The following TLE6 variants were observed in gnomAD, a reference collection of about 807,000 sequenced individuals.
TLE6 encodes the protein TLE family member 6, subcortical maternal complex member, also known as transducin-like enhancer protein 6.
TLE6 carries 72 observed loss-of-function variants against 77.1 expected under a neutral mutation model. The observed-to-expected ratio is 0.93, with a 90% CI of 0.77 to 1.14. The LOEUF (loss-of-function observed/expected upper bound fraction) is 1.14. Ranked by LOEUF, TLE6 falls within the 50% of genes most tolerant of loss-of-function variation. The pLI is 0.00. For synonymous variants in TLE6, 366 were observed against 287.3 expected, an observed-to-expected ratio of 1.27 and a Z score of -2.77; for missense variants, 843 against 747.6, an observed-to-expected ratio of 1.13 and a Z score of -1.49.
At position 2,995,025 on chromosome 19, in the gene TLE6, C is replaced by T; in HGVS notation, c.*21C>T. 1 of 1,485,690 alleles carries T rather than the reference C, an allele frequency of 6.7e-7. No homozygotes were observed. The highest frequency in any genetic ancestry group is 9.2e-7 in the Non-Finnish European group (1 of 1,087,448). The allele number at this position is 1,485,690 out of a possible 1,614,324, so 92.0% of individuals were successfully genotyped here. On this transcript the variant is annotated 3_prime_UTR_variant, in exon 17 of 17. Transcript: ENST00000246112. ...ACTGAGGGGCCTCGCTGCTGTCATC[C>T]CACTCCGGCTCCTCTTTTCATCCCC...
At chr19:2,993,289 T>C in intron 14 of TLE6, 143 bp from the exon 15 acceptor site, 2 of 723,880 alleles carry the variant, frequency 2.8e-6, no homozygotes, top group South Asian at 2.3e-5. Flanking sequence ...GAGGCACAGA[T>C]ACGAAGTTGC....
intron 16 of TLE6, among the ~76,000 whole-genome samples, chr19:2,994,505 G>C (rs980327241): frequency 1.3e-5 from 2 of 152,192 alleles, no homozygotes; most frequent in Non-Finnish European, 1.5e-5. Context: ...AGCTACTTGG[G>C]AGGCTGAGGC....
intron 2 of TLE6, among the ~76,000 whole-genome samples, chr19:2,979,843 A>C (rs918923951): frequency 2.6e-5 from 4 of 151,410 alleles, no homozygotes; most frequent in African/African-American, 9.7e-5. Flanking sequence ...GGGCGCATGT[A>C]ATCCCAGCTA....
In TLE6 at chr19:2,993,484, C is replaced by T. The variant is rs1295934202; in HGVS notation, c.1439C>T (p.Ala480Val). ...GAGGACTGGGTGCTGCTGGGCATGG[C>T]CAATGGCCAGCAGTGGCTGCAAAGC... ...PQEDWVLLGM[A>V]NGQQWLQSTS... Residue 480 changes from alanine to valine, a missense_variant, in exon 15 of 17, where the codon GCC (alanine) becomes GTC (valine). By Grantham distance (64) the Ala-to-Val change is moderately conservative (BLOSUM62 0). Transcript: ENST00000246112. The T allele has an allele frequency of 1.9e-6, 3 of 1,601,902 alleles. No individual in the cohort carries two copies. The highest frequency in any genetic ancestry group is 2.2e-5 in the South Asian group (2 of 90,690).
rs773441965 is a variant in TLE6 at position 2,990,612 on chromosome 19, GA to G, written c.1244+836del. On this transcript the variant is annotated intron_variant, in intron 13 of 16. Coordinates refer to ENST00000246112, the MANE Select transcript of TLE6 (RefSeq NM_001143986.2). ...CAGAGCAAGACTCTGTCTCAAAAAA[GA>G]AAAAAAAATACACACATATATAAAT... 3.7e-5 allele frequency among the ~76,000 whole-genome samples: 5 copies of G among 136,418 alleles called. No homozygotes were observed. The East Asian group carries it at 6.4e-4, about 17-fold the overall frequency. The allele number at this position is 136,418 out of a possible 152,430, so 89.5% of individuals were successfully genotyped here. A position where few individuals can be genotyped will look rare whatever the true frequency, so the allele number is the denominator to read the frequency against.
chr19:2,980,015 G>T, intron 2 of TLE6, 85 bp from the exon 3 acceptor site: 2 of 969,158 alleles, frequency 2.1e-6, no homozygotes, highest in Non-Finnish European at 1.6e-6. Flanking sequence ...CCAACCTAAT[G>T]CCTATGCCAT....
chr19:2,994,885 C>T lies in TLE6; in HGVS notation c.1615-15C>T. On this transcript the variant is annotated splice_polypyrimidine_tract_variant and intron_variant, in intron 16 of 16. Coordinates refer to ENST00000246112, the MANE Select transcript of TLE6 (RefSeq NM_001143986.2). ...GAGCCCTACCCCAGCTCACTGCCCA[C>T]TGCCCCCCCTCCAGGTGCCTGAGAT... 1 of 1,548,062 alleles carries T rather than the reference C, an allele frequency of 6.5e-7. No individual in the cohort carries two copies. The highest frequency in any genetic ancestry group is 8.8e-7 in the Non-Finnish European group (1 of 1,134,004).
At chr19:2,986,416 C>CA (rs561952548) in intron 5 of TLE6, among the ~76,000 whole-genome samples, 2 of 146,540 alleles carry the variant, frequency 1.4e-5, no homozygotes, top group East Asian at 2.1e-4. Context: ...ATCTTATCTG[C>CA]AAAAAAGTAG....
At chr19:2,984,988 C>G (rs955428428) in intron 5 of TLE6, among the ~76,000 whole-genome samples, 1 of 151,884 alleles carries the variant, frequency 6.6e-6, no homozygotes, top group Non-Finnish European at 1.5e-5. Flanking sequence ...AGGTGGCTCA[C>G]GCCTGTAATC....
chr19:2,991,358 CAAA>C (rs1336193754), intron 13 of TLE6, among the ~76,000 whole-genome samples: 10 of 58,762 alleles, frequency 1.7e-4, no homozygotes, highest in Non-Finnish European at 2.8e-4. Context: ...GACTCCATTT[CAAA>C]AAAAAAAAAA....
At chr19:2,987,567 G>A in intron 8 of TLE6, 157 bp from the exon 9 acceptor site, 1 of 1,098,742 alleles carries the variant, frequency 9.1e-7, no homozygotes, top group Non-Finnish European at 1.3e-6. Flanking sequence ...AGGGCTTCCA[G>A]GACCCTATAC....
rs766290461 is a variant in TLE6, at chr19:2,994,112, G to T, written c.1614+17G>T. ...GTGTTCGAGGTACTGCGGTGGGCTG[G>T]GGGCAGGACCCGGGGGTGGCCCCAA... On this transcript the variant is annotated intron_variant, in intron 16 of 16. Coordinates refer to ENST00000246112, the MANE Select transcript of TLE6 (RefSeq NM_001143986.2). The T allele has an allele frequency of 1.3e-6, 2 of 1,591,408 alleles. No homozygotes were observed. Among genetic ancestry groups the T allele is most frequent in the Non-Finnish European group, 1.7e-6 (2 of 1,170,240 alleles).
At chr19:2,988,021 G>GGT in intron 10 of TLE6, 47 bp downstream of exon 10, 1 of 1,586,162 alleles carries the variant, frequency 6.3e-7, no homozygotes, top group Non-Finnish European at 8.6e-7. Context: ...GGCTGCCCAG[G>GGT]GTGGGGTAGA....
intron 16 of TLE6, among the ~76,000 whole-genome samples, chr19:2,994,304 C>T (rs2089158619): frequency 6.6e-6 from 1 of 151,680 alleles, no homozygotes; most frequent in South Asian, 2.1e-4. Flanking sequence ...AGTGAGACCC[C>T]ATCTCTACAA....
intron 13 of TLE6, among the ~76,000 whole-genome samples, chr19:2,990,223 C>T (rs12185516): frequency 0.34 from 50,989 of 151,746 alleles, 10,815 homozygotes; most frequent in African/African-American, 0.6. Flanking sequence ...ATGAATAAAA[C>T]GAATTTATTC....
rs755207966 is a variant in TLE6, at chr19:2,994,008, A to G, written c.1538-11A>G. On this transcript the variant is annotated splice_polypyrimidine_tract_variant and intron_variant, in intron 15 of 16. Coordinates refer to ENST00000246112, the MANE Select transcript of TLE6 (RefSeq NM_001143986.2). ...TGGTTCTAAGTCTCGCTGATGCTCC[A>G]TTTCTCCCAGGCCAGTGGTGGGCAA... 2 of 1,599,902 alleles carry G rather than the reference A, an allele frequency of 1.3e-6. No homozygotes were observed. Among genetic ancestry groups the G allele is most frequent in the Non-Finnish European group, 1.7e-6 (2 of 1,174,678 alleles).
chr19:2,992,550 G>T (rs1172539876), intron 14 of TLE6, among the ~76,000 whole-genome samples: 2 of 151,392 alleles, frequency 1.3e-5, no homozygotes, highest in Non-Finnish European at 2.9e-5. Flanking sequence ...GTGGGAGGAA[G>T]ACTTGAGCCC....
At position 2,988,112 on chromosome 19, in the gene TLE6, C is replaced by T. The variant is rs752620549; in HGVS notation, c.724C>T (p.Arg242Trp). 5.8e-6 allele frequency: 9 copies of T among 1,551,782 alleles called. No individual in the cohort carries two copies. The highest frequency in any genetic ancestry group is 7.0e-6 in the Non-Finnish European group (8 of 1,147,118). Residue 242 changes from arginine (R) to tryptophan (W), a missense_variant, in exon 11 of 17, where the codon CGG (arginine) becomes TGG (tryptophan). Coordinates refer to ENST00000246112, the MANE Select transcript of TLE6 (RefSeq NM_001143986.2). ...VVQEPPGRASRFLQSISWDPE... is the reference protein window; with the variant it reads ...VVQEPPGRASWFLQSISWDPE... ...GCAGGAGCCTCCTGGAAGAGCCTCTCGGTTTCTACAGTCCATGTAAGTGTC... is the reference window on the plus strand; with the variant it reads ...GCAGGAGCCTCCTGGAAGAGCCTCTTGGTTTCTACAGTCCATGTAAGTGTC...
intron 3 of TLE6, among the ~76,000 whole-genome samples, chr19:2,980,945 G>GGAGACTGAGGCAGGAGGATCATCT (rs1483306562): frequency 6.6e-6 from 1 of 151,988 alleles, no homozygotes; most frequent in Non-Finnish European, 1.5e-5. Flanking sequence ...CAGCTACTCA[G>GGAGACTGAGGCAGGAGGATCATCT]GAGACTGAGG....
Sources: allele counts gnomAD v4.1 joint callset (sites outside exome capture counted in the v4.1 genomes callset), GRCh38; gene constraint gnomAD v4.1.1; transcripts MANE v1.5; gene names NCBI Gene and HGNC (gene_info 2026-07-23, HGNC 2026-07-21).